The following TMTC2 variants were observed in gnomAD, a reference collection of about 807,000 sequenced individuals.
The protein encoded by TMTC2 is transmembrane O-mannosyltransferase targeting cadherins 2, also known as protein O-mannosyl-transferase TMTC2.
In TMTC2, 43 loss-of-function variants were observed where a neutral mutation model predicts 82.4. The observed-to-expected ratio is 0.52, with a 90% CI of 0.41 to 0.67. The LOEUF is 0.67. Among genes scored for constraint, TMTC2 ranks in the 30% least tolerant of loss-of-function variants. The pLI is 0.00. For synonymous variants in TMTC2, 408 were observed against 381.9 expected (o/e 1.07, Z -0.80); for missense variants, 919 against 1,012.4 (o/e 0.91, Z 1.25).
chr12:82,963,934 A>T (rs1231229212), intron 4 of TMTC2, among the ~76,000 whole-genome samples: 1 of 149,020 alleles, frequency 6.7e-6, no homozygotes, highest in Non-Finnish European at 1.5e-5. Context: ...TTTTTAATAT[A>T]TGCTTTTGAC....
intron 1 of TMTC2, among the ~76,000 whole-genome samples, chr12:82,707,966 T>TA (rs1233971204): frequency 1.3e-5 from 2 of 152,210 alleles, no homozygotes; most frequent in Non-Finnish European, 1.5e-5. Context: ...TTCATATAGA[T>TA]ATGCGTGCAC....
At chr12:82,812,214 A>C (rs1482725610) in intron 1 of TMTC2, among the ~76,000 whole-genome samples, 1 of 152,120 alleles carries the variant, frequency 6.6e-6, no homozygotes, top group Non-Finnish European at 1.5e-5. Flanking sequence ...ACTTATTAGA[A>C]GTAAAATCAG....
At chr12:82,733,070 A>AT (rs969905424) in intron 1 of TMTC2, among the ~76,000 whole-genome samples, 4 of 151,856 alleles carry the variant, frequency 2.6e-5, no homozygotes, top group Non-Finnish European at 5.9e-5. Flanking sequence ...AGATCTCTTT[A>AT]TTTTTTTTCA....
chr12:82,772,290 C>T (rs903023055), intron 1 of TMTC2, among the ~76,000 whole-genome samples: 11 of 152,096 alleles, frequency 7.2e-5, no homozygotes, highest in Admixed American at 5.2e-4. Flanking sequence ...CTGTGGCATA[C>T]CAGAAGAAAA....
chr12:83,053,555 AT>A (rs1882430127), intron 10 of TMTC2, among the ~76,000 whole-genome samples: 1 of 152,032 alleles, frequency 6.6e-6, no homozygotes, highest in South Asian at 2.1e-4. Context: ...AAAGAAAAAA[AT>A]TGTCATTCCA....
At chr12:82,964,258 C>G (rs914101683) in intron 4 of TMTC2, among the ~76,000 whole-genome samples, 2 of 151,952 alleles carry the variant, frequency 1.3e-5, no homozygotes, top group African/African-American at 4.8e-5. Context: ...ACCTTGTTTT[C>G]ATAGACATGC....
chr12:82,705,508 T>A (rs1873313675), intron 1 of TMTC2, among the ~76,000 whole-genome samples: 1 of 152,266 alleles, frequency 6.6e-6, no homozygotes, highest in Non-Finnish European at 1.5e-5. Flanking sequence ...AGTAAGGGTA[T>A]GCTTACCATT....
In TMTC2 at chr12:82,773,779, G is replaced by A. The variant is rs566319878; in HGVS notation, c.84-83231G>A. On this transcript the variant is annotated intron_variant, in intron 1 of 11. Coordinates refer to ENST00000321196, the MANE Select transcript of TMTC2 (RefSeq NM_152588.3). ...TAGCCACTGATACTTCTTTAGCCAG[G>A]ATATTAATGCTTGAGCCCTAAAGTG... 2.6e-5 allele frequency among the ~76,000 whole-genome samples: 4 copies of A among 152,120 alleles called. No homozygotes were observed. The East Asian group carries it at 7.7e-4, about 29-fold the overall frequency.
intron 1 of TMTC2, among the ~76,000 whole-genome samples, chr12:82,775,615 C>T (rs1308196042): frequency 6.6e-6 from 1 of 151,946 alleles, no homozygotes; most frequent in Non-Finnish European, 1.5e-5. Flanking sequence ...ACATAGAGTT[C>T]TAAGTAATGA....
chr12:82,754,941 A>G (rs1203765093), intron 1 of TMTC2, among the ~76,000 whole-genome samples: 1 of 152,254 alleles, frequency 6.6e-6, no homozygotes, highest in Non-Finnish European at 1.5e-5. Flanking sequence ...TGTAGAAAGC[A>G]TCTCAGAAAA....
intron 11 of TMTC2, among the ~76,000 whole-genome samples, chr12:83,091,051 A>G (rs1883830759): frequency 6.6e-6 from 1 of 152,200 alleles, no homozygotes; most frequent in South Asian, 2.1e-4. Flanking sequence ...CACTGCAACC[A>G]GCCTTCCTCT....
At chr12:82,931,864 G>T (rs931639363) in intron 4 of TMTC2, among the ~76,000 whole-genome samples, 3 of 152,114 alleles carry the variant, frequency 2.0e-5, no homozygotes, top group Admixed American at 1.3e-4. Context: ...TGACCCTCCT[G>T]CAGTTCTGTG....
intron 11 of TMTC2, among the ~76,000 whole-genome samples, chr12:83,082,871 A>AT (rs1883521698): frequency 6.6e-6 from 1 of 152,298 alleles, no homozygotes; most frequent in East Asian, 1.9e-4. Flanking sequence ...TTGGAAGAGC[A>AT]TTTTATACAG....
intron 11 of TMTC2, among the ~76,000 whole-genome samples, chr12:83,064,094 G>T (rs1882836880): frequency 2.0e-5 from 3 of 151,728 alleles, no homozygotes. Context: ...ATAGTTAAAT[G>T]CAATTGTTTT....
chr12:83,004,040 A>G (rs897903916), intron 8 of TMTC2, among the ~76,000 whole-genome samples: 2 of 152,064 alleles, frequency 1.3e-5, no homozygotes, highest in African/African-American at 2.4e-5. Flanking sequence ...ACATAAGCCT[A>G]TATTTCTTGG....
At chr12:83,085,777 G>C (rs1255608973) in intron 11 of TMTC2, among the ~76,000 whole-genome samples, 5 of 152,118 alleles carry the variant, frequency 3.3e-5, no homozygotes, top group Non-Finnish European at 5.9e-5. Context: ...CATCCACTCT[G>C]GGACTCTTTG....
intron 11 of TMTC2, among the ~76,000 whole-genome samples, chr12:83,079,184 T>A (rs1228764293): frequency 6.6e-6 from 1 of 152,066 alleles, no homozygotes; most frequent in Admixed American, 6.6e-5. Context: ...TATTCATCAG[T>A]CCAAGTTGAT....
At chr12:83,028,723 A>G (rs1881286539) in intron 8 of TMTC2, among the ~76,000 whole-genome samples, 1 of 152,130 alleles carries the variant, frequency 6.6e-6, no homozygotes, top group African/African-American at 2.4e-5. Flanking sequence ...GCTTCCCTAG[A>G]ATCTGTACTC....
intron 2 of TMTC2, among the ~76,000 whole-genome samples, chr12:82,876,060 G>C (rs867345713): frequency 2.5e-5 from 3 of 117,826 alleles, no homozygotes; most frequent in Non-Finnish European, 5.7e-5. Flanking sequence ...GGTGGTGGTG[G>C]TGGTGGTGAT....
Sources: gnomAD v4.1 joint callset for allele counts (sites outside exome capture counted in the v4.1 genomes callset) on GRCh38, gnomAD v4.1.1 for gene constraint, MANE v1.5 for transcripts, NCBI Gene and HGNC (gene_info 2026-07-23, HGNC 2026-07-21) for gene names.